Variants in PITPNM3 observed in about 807,000 individuals in gnomAD.
The protein encoded by PITPNM3 is membrane-associated phosphatidylinositol transfer protein 3.
A neutral mutation model predicts 102.0 loss-of-function variants in PITPNM3; 26 were observed. The observed-to-expected ratio is 0.25, with a 90% CI of 0.19 to 0.35. The LOEUF (loss-of-function observed/expected upper bound fraction) is 0.35, where lower values mean the gene tolerates loss of function less well. Ranked by LOEUF, PITPNM3 falls within the 10% of genes least tolerant of loss-of-function variation. The pLI, the probability that PITPNM3 is intolerant of heterozygous loss-of-function variation, is 1.00. For synonymous variants in PITPNM3, 578 were observed against 558.6 expected (o/e 1.03, Z -0.49); for missense variants, 1,083 against 1,346.1 (o/e 0.80, Z 3.06).
intron 3 of PITPNM3, among the ~76,000 whole-genome samples, chr17:6,505,232 A>G (rs1907429499): frequency 1.3e-5 from 2 of 149,426 alleles, no homozygotes; most frequent in Admixed American, 6.6e-5. Context: ...CCTTCAGAAC[A>G]CAGTCAGGCA....
chr17:6,485,032 C>T (rs1204566961), intron 4 of PITPNM3, among the ~76,000 whole-genome samples: 1 of 152,182 alleles, frequency 6.6e-6, no homozygotes, highest in Non-Finnish European at 1.5e-5. Context: ...TGGGCTGGAA[C>T]TACACCACAG....
chr17:6,498,047 A>T, intron 4 of PITPNM3, among the ~76,000 whole-genome samples: 1 of 151,978 alleles, frequency 6.6e-6, no homozygotes, highest in Non-Finnish European at 1.5e-5. Context: ...GAGGAAGGGG[A>T]GTTACTGCCC....
Position 6,468,108 on chromosome 17 carries a change from T to G in PITPNM3, c.1890+117A>C. On this transcript the variant is annotated intron_variant, in intron 14 of 19. Transcript: ENST00000262483. The surrounding 1 kb of genome is among the most constrained non-coding windows in gnomAD (Gnocchi z 5.2). ...TGTGAGCCCCAGCCTGTTTGGGTGC[T>G]GAGCTCTGAGGACAAATTGAAGCGC... 2 of 982,416 alleles carry G rather than the reference T, an allele frequency of 2.0e-6. No individual in the cohort carries two copies. Among genetic ancestry groups the G allele is most frequent in the Non-Finnish European group, 3.2e-6 (2 of 624,542 alleles). The allele number at this position is 982,416 out of a possible 1,614,324, so 60.9% of individuals were successfully genotyped here.
chr17:6,506,859 T>C lies in PITPNM3; in HGVS notation c.227-3285A>G, dbSNP rs185923618. 1.1e-4 allele frequency among the ~76,000 whole-genome samples: 16 copies of C among 152,302 alleles called. 1 individual carries two copies. Among genetic ancestry groups the C allele is most frequent in the African/African-American group, 3.6e-4 (15 of 41,552 alleles). On this transcript the variant is annotated intron_variant, in intron 3 of 19. Transcript: ENST00000262483. Reference sequence around the variant, plus strand: ...CATGCTGTGAGTGACAGTTGGAAAGTTGAGCCAAGCATGCACCCCTCCCAC... The same window carrying C: ...CATGCTGTGAGTGACAGTTGGAAAGCTGAGCCAAGCATGCACCCCTCCCAC...
At chr17:6,489,148 C>T (rs1007357225) in intron 4 of PITPNM3, among the ~76,000 whole-genome samples, 1 of 152,186 alleles carries the variant, frequency 6.6e-6, no homozygotes, top group African/African-American at 2.4e-5. Context: ...GAGACGAAAG[C>T]CAAGGTCATC....
chr17:6,551,237 G>A (rs1910285226), intron 1 of PITPNM3, among the ~76,000 whole-genome samples: 1 of 152,144 alleles, frequency 6.6e-6, no homozygotes, highest in Non-Finnish European at 1.5e-5. Context: ...GTCACCTGTA[G>A]TCCCAGCTAC....
At position 6,472,913 on chromosome 17, in the gene PITPNM3, G is replaced by A. The variant is rs1261517767; in HGVS notation, c.1259-86C>T. 1.1e-5 allele frequency: 17 copies of A among 1,495,472 alleles called. No individual in the cohort carries two copies. The East Asian group carries it at 3.8e-4, about 33-fold the overall frequency. 92.6% of individuals were successfully genotyped at this position (1,495,472 alleles called of 1,614,324 possible). On this transcript the variant is annotated intron_variant, in intron 10 of 19. Coordinates refer to ENST00000262483, the MANE Select transcript of PITPNM3 (RefSeq NM_031220.4). This position sits in a 1 kb window ranked among gnomAD's most constrained non-coding sequence, Gnocchi z 4.1. ...GAGGCTCCCTGGAATGCAGCCTGGA[G>A]TAGCCTACTCCCCTCTCAAGAGCCT... is the stretch of plus-strand genomic sequence containing the variant.
chr17:6,538,877 G>A (rs1479017705), intron 1 of PITPNM3, among the ~76,000 whole-genome samples: 1 of 152,202 alleles, frequency 6.6e-6, no homozygotes, highest in African/African-American at 2.4e-5. Context: ...GCCTGATGGT[G>A]CAGTCCTTCG....
chr17:6,551,140 G>A (rs375833943), intron 1 of PITPNM3, among the ~76,000 whole-genome samples: 18 of 151,856 alleles, frequency 1.2e-4, no homozygotes, highest in Non-Finnish European at 1.6e-4. Context: ...GGCGGATCAC[G>A]AGGTCAGGAG....
intron 1 of PITPNM3, among the ~76,000 whole-genome samples, chr17:6,552,987 G>A (rs1393301087): frequency 6.6e-6 from 1 of 151,458 alleles, no homozygotes; most frequent in Non-Finnish European, 1.5e-5. Context: ...AGCCAGGATG[G>A]TCTCGATCTC....
Position 6,472,815 on chromosome 17 carries a change from C to T in PITPNM3, c.1271G>A (p.Arg424His), listed in dbSNP as rs763242349. ...VLPGLDGFQV[R>H]PACSQVYSFF... ...GCTGTAGACCTGGCTGCAGGCAGGA[C>T]GCACCTGGAAGCCTGGGGTGAGTGG... The change falls in exon 11 of 20, where the codon CGT becomes CAT. Residue 424 changes from arginine (R) to histidine (H), a missense_variant. Transcript: ENST00000262483. This position sits in a 1 kb window ranked among gnomAD's most constrained non-coding sequence, Gnocchi z 4.1. 43 of 1,614,046 alleles carry T rather than the reference C, an allele frequency of 2.7e-5. No homozygotes were observed. Among genetic ancestry groups the T allele is most frequent in the East Asian group, 6.7e-5 (3 of 44,878 alleles).
intron 10 of PITPNM3, among the ~76,000 whole-genome samples, chr17:6,473,976 C>CAAAAAA (rs56728914): frequency 1.0e-5 from 1 of 96,076 alleles, no homozygotes; most frequent in Non-Finnish European, 2.0e-5. Context: ...GACTCCATCT[C>CAAAAAA]AAAAAAAAAA....
rs961532751 is a variant in PITPNM3 at position 6,556,315 on chromosome 17, C to T, written c.22+70G>A. 19 of 1,308,830 alleles carry T rather than the reference C, an allele frequency of 1.5e-5. No homozygotes were observed. Among genetic ancestry groups the T allele is most frequent in the Non-Finnish European group, 1.6e-5 (16 of 995,386 alleles). 81.1% of individuals were successfully genotyped at this position (1,308,830 alleles called of 1,614,324 possible). On this transcript the variant is annotated intron_variant, in intron 1 of 19. Transcript: ENST00000262483. The surrounding 1 kb of genome is among the most constrained non-coding windows in gnomAD (Gnocchi z 5.2). ...TGCGCGAGGGGTTCACCTGGGCCGG[C>T]GGCCCCTCCTCTAGACGCGCGAGTC...
intron 4 of PITPNM3, among the ~76,000 whole-genome samples, chr17:6,491,992 C>T (rs1273271489): frequency 1.3e-5 from 2 of 150,022 alleles, no homozygotes; most frequent in Non-Finnish European, 3.0e-5. Context: ...GTCCATATTT[C>T]TTTTAGTTTA....
chr17:6,461,677 A>G (rs1226618089), intron 17 of PITPNM3, 121 bp from the exon 18 acceptor site: 7 of 1,125,768 alleles, frequency 6.2e-6, no homozygotes, highest in Non-Finnish European at 8.0e-6. Flanking sequence ...GAGGCGTGCT[A>G]GGGAGAACAA....
intron 3 of PITPNM3, among the ~76,000 whole-genome samples, chr17:6,507,930 T>C (rs1597391787): frequency 6.8e-6 from 1 of 146,004 alleles, no homozygotes; most frequent in Non-Finnish European, 1.5e-5. Flanking sequence ...GGTGGGGAGG[T>C]GGGAAAGTTG....
chr17:6,487,816 A>G (rs1332710590), intron 4 of PITPNM3, among the ~76,000 whole-genome samples: 2 of 152,076 alleles, frequency 1.3e-5, no homozygotes, highest in African/African-American at 2.4e-5. Context: ...CTGGCCACCA[A>G]CGATGTTGAG....
intron 4 of PITPNM3, among the ~76,000 whole-genome samples, chr17:6,499,624 G>A (rs117864641): frequency 0.011 from 1,704 of 152,342 alleles, 15 homozygotes; most frequent in Non-Finnish European, 0.019. Flanking sequence ...TATCCAGCCT[G>A]TGCGGATCCT....
At chr17:6,505,195 A>ATATGT (rs1555556402) in intron 3 of PITPNM3, among the ~76,000 whole-genome samples, 48 of 136,236 alleles carry the variant, frequency 3.5e-4, no homozygotes, top group African/African-American at 1.2e-3. Flanking sequence ...AGACAAATAA[A>ATATGT]ATATATATAT....
Sources: allele counts gnomAD v4.1 joint callset (sites outside exome capture counted in the v4.1 genomes callset), GRCh38; gene constraint gnomAD v4.1.1; non-coding constraint Gnocchi (gnomAD v3.1); transcripts MANE v1.5; gene names NCBI Gene and HGNC (gene_info 2026-07-23, HGNC 2026-07-21).